MXRA8: variants seen among roughly 807,000 people sequenced by gnomAD.
The protein encoded by MXRA8 is matrix remodeling associated 8, also known as matrix remodeling-associated protein 8.
MXRA8 carries 44 observed loss-of-function variants against 51.4 expected under a neutral mutation model. The observed-to-expected ratio is 0.86, with a 90% CI of 0.67 to 1.10. MXRA8 has a LOEUF of 1.10. Among genes scored for constraint, MXRA8 ranks in the 50% least tolerant of loss-of-function variants. The pLI is 0.00. For missense variants in MXRA8, 765 were observed against 638.9 expected, an observed-to-expected ratio of 1.20 and a Z score of -2.13; for synonymous variants, 369 against 293.5, an observed-to-expected ratio of 1.26 and a Z score of -2.63.
At chr1:1,359,075 T>A (rs942524094), upstream of MXRA8, 140 of 985,294 alleles carry the variant, frequency 1.4e-4, no homozygotes, top group Non-Finnish European at 1.6e-4. Flanking sequence ...GGTACCCGTC[T>A]CCTCTGGGGG....
Position 1,355,157 on chromosome 1 carries a change from G to C in MXRA8, c.479-5C>G. 4 of 1,398,170 alleles carry C rather than the reference G, an allele frequency of 2.9e-6. No individual in the cohort carries two copies. The highest frequency in any genetic ancestry group is 3.7e-6 in the Non-Finnish European group (4 of 1,086,150). 86.6% of individuals were successfully genotyped at this position (1,398,170 alleles called of 1,614,324 possible). A position where few individuals can be genotyped will look rare whatever the true frequency, so the allele number is the denominator to read the frequency against. On this transcript the variant is annotated splice_polypyrimidine_tract_variant and splice_region_variant and intron_variant, in intron 4 of 9. Coordinates refer to ENST00000309212, the MANE Select transcript of MXRA8 (RefSeq NM_032348.4). Reference sequence around the variant, plus strand: ...AGTAGGCGGGGGTGGCCGGGGCTGCGGAGGGGGCGCGGTCAGCGGCGCGCG... The same window carrying C: ...AGTAGGCGGGGGTGGCCGGGGCTGCCGAGGGGGCGCGGTCAGCGGCGCGCG...
At chr1:1,361,337 G>T, upstream of MXRA8, 1 of 702,752 alleles carries the variant, frequency 1.4e-6, no homozygotes, top group South Asian at 1.5e-5. Context: ...AGGCTTGCTG[G>T]GCACTGGGGA....
rs755486892 is a variant in MXRA8, at chr1:1,354,844, C to G, written c.787G>C (p.Glu263Gln). The change falls in exon 5 of 10, where the codon GAG becomes CAG. Residue 263 changes from glutamate to glutamine, a missense_variant. Transcript: ENST00000309212. ...GDFSLRIEPL[E>Q]VADEGTYSCH... ...GAGTAGGTGCCCTCGTCGGCGACCTCCAGCGGCTCGATACGCAGTGAGAAG... is the reference window on the plus strand; with the variant it reads ...GAGTAGGTGCCCTCGTCGGCGACCTGCAGCGGCTCGATACGCAGTGAGAAG... 1 of 1,612,158 alleles carries G rather than the reference C, an allele frequency of 6.2e-7. No homozygotes were observed. Among genetic ancestry groups the G allele is most frequent in the South Asian group, 1.1e-5 (1 of 91,068 alleles).
rs1279908816 is a variant in MXRA8 at position 1,354,984 on chromosome 1, T to G, written c.647A>C (p.His216Pro). 2 of 1,597,666 alleles carry G rather than the reference T, an allele frequency of 1.3e-6. No individual in the cohort carries two copies. Among genetic ancestry groups the G allele is most frequent in the Middle Eastern group, 3.5e-4 (2 of 5,670 alleles). The change falls in exon 5 of 10, where the codon CAC (histidine) becomes CCC (proline). Residue 216 changes from histidine to proline, a missense_variant. By Grantham distance (77) the His-to-Pro change is moderately conservative. Transcript: ENST00000309212. The part of the protein sequence containing the change: ...HWDRQPPGVP[H>P]DRADRLLDLY... ...GTCCAGCAGGCGGTCCGCGCGGTCG[T>G]GCGGGACCCCGGGCGGCTGCCGGTC...
In MXRA8 at chr1:1,354,140, G is replaced by A. The variant is rs1173708785; in HGVS notation, c.1146-34C>T. The A allele has an allele frequency of 5.0e-6, 8 of 1,612,710 alleles. No homozygotes were observed. The Admixed American group carries it at 5.0e-5, about 10-fold the overall frequency. ...CGAGGGTGGGAGGAGGTTACAGCTG[G>A]GTGGGGTGAAGGGGGCCCTGGTCCC... On this transcript the variant is annotated intron_variant, in intron 7 of 9. Coordinates refer to ENST00000309212, the MANE Select transcript of MXRA8 (RefSeq NM_032348.4).
At chr1:1,357,570 G>A (rs1489048406) in intron 1 of MXRA8, among the ~76,000 whole-genome samples, 1 of 152,204 alleles carries the variant, frequency 6.6e-6, no homozygotes, top group Non-Finnish European at 1.5e-5. Context: ...ACTTTGGGAG[G>A]CCAAGGCAGG....
Position 1,354,426 on chromosome 1 carries a change from C to G in MXRA8, c.1033G>C (p.Val345Leu), listed in dbSNP as rs766956876. The G allele has an allele frequency of 7.4e-6, 12 of 1,612,330 alleles. No individual in the cohort carries two copies. The highest frequency in any genetic ancestry group is 1.0e-5 in the Non-Finnish European group (12 of 1,179,864). The stretch of plus-strand genomic sequence containing the variant: ...ATGAAGAGCAGCAGCGTGGCCAGCA[C>G]GTAGCCCAGCTGCTGGAAGAAGTGG... Reference protein sequence around the residue: ...RAHFFQQLGYVLATLLLFILL... With the variant: ...RAHFFQQLGYLLATLLLFILL... The change falls in exon 6 of 10, where the codon GTG becomes CTG. Residue 345 changes from valine (V) to leucine (L), a missense_variant. Physicochemically the swap from Val to Leu is conservative, Grantham distance 32 (BLOSUM62 1). Coordinates refer to ENST00000309212, the MANE Select transcript of MXRA8 (RefSeq NM_032348.4).
At chr1:1,361,808 G>A (rs1259353923), upstream of MXRA8, 6 of 163,392 alleles carry the variant, frequency 3.7e-5, no homozygotes, top group East Asian at 1.7e-4. Context: ...CTGAAAACTC[G>A]CTGTGGGGAG....
At chr1:1,353,703 C>A (rs977074787) in intron 9 of MXRA8, 74 bp from the exon 10 acceptor site, 56 of 1,501,944 alleles carry the variant, frequency 3.7e-5, no homozygotes, top group Non-Finnish European at 4.9e-5. Context: ...AGGGCAGACC[C>A]CCCCGCAGGA....
upstream of MXRA8, chr1:1,358,623 C>G: frequency 6.9e-7 from 1 of 1,454,104 alleles, no homozygotes; most frequent in South Asian, 1.4e-5. Context: ...CTGGGCCTGT[C>G]TACGGTCTGG....
rs373232585 is a variant in MXRA8 at position 1,356,756 on chromosome 1, C to T, written c.50-52G>A. 5.9e-4 allele frequency: 787 copies of T among 1,328,218 alleles called. 1 individual carries two copies. The highest frequency in any genetic ancestry group is 7.1e-4 in the Non-Finnish European group (731 of 1,026,800). The allele number at this position is 1,328,218 out of a possible 1,614,324, so 82.3% of individuals were successfully genotyped here. A position where few individuals can be genotyped will look rare whatever the true frequency, so the allele number is the denominator to read the frequency against. On this transcript the variant is annotated intron_variant, in intron 1 of 9. Coordinates refer to ENST00000309212, the MANE Select transcript of MXRA8 (RefSeq NM_032348.4). The stretch of plus-strand genomic sequence containing the variant: ...GGCCACCCACAGCCCCACCCAGCCC[C>T]GAGACCCCCCACTTGGCCCCCAGAG...
intron 8 of MXRA8, 40 bp downstream of exon 8, chr1:1,353,988 TGG>T (rs35588798): frequency 7.1e-4 from 13 of 18,204 alleles, no homozygotes; most frequent in Non-Finnish European, 1.9e-3. Flanking sequence ...AGCCCGGGAC[TGG>T]GAGCCGCGCC....
intron 4 of MXRA8, 35 bp from the exon 5 acceptor site, chr1:1,355,187 G>A: frequency 1.4e-6 from 2 of 1,407,668 alleles, no homozygotes; most frequent in East Asian, 3.0e-5. Context: ...CGCGCGGGCC[G>A]GGGCGGCGGT....
Position 1,354,729 on chromosome 1 carries a change from CG to C in MXRA8, c.901del (p.Arg301GlyfsTer107), listed in dbSNP as rs764857791. 4.4e-6 allele frequency: 7 copies of C among 1,606,662 alleles called. 1 individual carries two copies. Among genetic ancestry groups the C allele is most frequent in the African/African-American group, 2.7e-5 (2 of 74,846 alleles). ...GCTGGAGCCGTTGCCCGGAGAGCCC[CG>C]GGGGGGCGGCTCCGCGTGGGGTTCG... ...VAEPHAEPPP[R>X]GSPGNGSSHS... On this transcript the variant is annotated frameshift_variant, in exon 5 of 10. Coordinates refer to ENST00000309212, the MANE Select transcript of MXRA8 (RefSeq NM_032348.4). LOFTEE classifies it high-confidence loss of function.
intron 3 of MXRA8, 42 bp from the exon 4 acceptor site, chr1:1,355,387 C>G: frequency 1.2e-5 from 19 of 1,533,380 alleles, no homozygotes; most frequent in Non-Finnish European, 1.7e-5. Flanking sequence ...CTTGCGGTGC[C>G]CCCGACCCCG....
intron 1 of MXRA8, among the ~76,000 whole-genome samples, chr1:1,357,525 C>T (rs778262448): frequency 1.3e-5 from 2 of 152,182 alleles, no homozygotes; most frequent in South Asian, 4.1e-4. Context: ...AAAACTCCCC[C>T]ACCAGGCATG....
Position 1,354,430 on chromosome 1 carries a change from G to T in MXRA8, c.1029C>A (p.Gly343=), listed in dbSNP as rs772729761. 1 of 1,612,492 alleles carries T rather than the reference G, an allele frequency of 6.2e-7. No homozygotes were observed. The highest frequency in any genetic ancestry group is 1.1e-5 in the South Asian group (1 of 91,086). Residue 343 remains glycine, a synonymous_variant, in exon 6 of 10, where the codon GGC becomes GGA. Coordinates refer to ENST00000309212, the MANE Select transcript of MXRA8 (RefSeq NM_032348.4). ...AGAGCAGCAGCGTGGCCAGCACGTAGCCCAGCTGCTGGAAGAAGTGGGCTC... is the reference window on the plus strand; with the variant it reads ...AGAGCAGCAGCGTGGCCAGCACGTATCCCAGCTGCTGGAAGAAGTGGGCTC... ...ESRAHFFQQL[G]YVLATLLLFI...
At position 1,353,120 on chromosome 1, in the gene MXRA8, G is replaced by T; in HGVS notation, c.*484C>A. The T allele has an allele frequency of 1.4e-6, 1 of 716,366 alleles. No individual in the cohort carries two copies. The highest frequency in any genetic ancestry group is 1.6e-5 in the South Asian group (1 of 63,354). 44.4% of individuals were successfully genotyped at this position (716,366 alleles called of 1,614,324 possible). A position where few individuals can be genotyped will look rare whatever the true frequency, so the allele number is the denominator to read the frequency against. ...GGCAGGCAGCACCCCAGGAGGAGTG[G>T]GACTCCTGCCGAGGCTGACCCCAAC... is the stretch of plus-strand genomic sequence containing the variant. On this transcript the variant is annotated 3_prime_UTR_variant, in exon 10 of 10. Coordinates refer to ENST00000309212, the MANE Select transcript of MXRA8 (RefSeq NM_032348.4).
chr1:1,356,636 G>T lies in MXRA8; in HGVS notation c.73+45C>A, dbSNP rs371756291. ...GGCTGGGCCTGGCAAGATAGGAGGGGCTGAGGGGGAGTGGGGGTGGGCAGC... is the reference window on the plus strand; with the variant it reads ...GGCTGGGCCTGGCAAGATAGGAGGGTCTGAGGGGGAGTGGGGGTGGGCAGC... On this transcript the variant is annotated intron_variant, in intron 2 of 9. Transcript: ENST00000309212. 8 of 1,280,804 alleles carry T rather than the reference G, an allele frequency of 6.2e-6. No individual in the cohort carries two copies. In the African/African-American group the frequency reaches 6.3e-5, roughly 10 times the overall value. The allele number at this position is 1,280,804 out of a possible 1,614,324, so 79.3% of individuals were successfully genotyped here.
Sources: allele counts gnomAD v4.1 joint callset (sites outside exome capture counted in the v4.1 genomes callset), GRCh38; gene constraint gnomAD v4.1.1; transcripts MANE v1.5; gene names NCBI Gene and HGNC (gene_info 2026-07-23, HGNC 2026-07-21).